COPG2: variants seen among roughly 807,000 people sequenced by gnomAD.
COPG2 encodes the protein coatomer subunit gamma-2.
In COPG2, 37 loss-of-function variants were observed where a neutral mutation model predicts 46.3. The observed-to-expected ratio is 0.80, with a 90% CI of 0.61 to 1.05. COPG2 has a LOEUF of 1.05. Ranked by LOEUF, COPG2 falls within the 50% of genes least tolerant of loss-of-function variation. The pLI is 0.00. For synonymous variants in COPG2, 159 were observed against 129.7 expected, an observed-to-expected ratio of 1.23 and a Z score of -1.53; for missense variants, 427 against 387.8, an observed-to-expected ratio of 1.10 and a Z score of -0.85.
chr7:130,645,409 C>T (rs1483280819), intron 5 of COPG2: 7 of 498,606 alleles, frequency 1.4e-5, no homozygotes, highest in South Asian at 3.1e-5. Flanking sequence ...CTCCACCCGT[C>T]GGTGTCCATG....
At chr7:130,665,155 T>C in intron 3 of COPG2, among the ~76,000 whole-genome samples, 1 of 152,144 alleles carries the variant, frequency 6.6e-6, no homozygotes, top group East Asian at 1.9e-4. Context: ...CACTCCAGCC[T>C]GGTAACAGAG....
At chr7:130,602,656 G>C (rs1554450527) in intron 9 of COPG2, 2 of 152,152 alleles carry the variant, frequency 1.3e-5, no homozygotes, top group Non-Finnish European at 1.5e-5. Context: ...ATTTTTAGTA[G>C]AGACGGGGGT....
chr7:130,506,686 G>T lies in COPG2; in HGVS notation c.2606C>A (p.Ser869Tyr), dbSNP rs372285287. The change falls in exon 24 of 24, where the codon TCT becomes TAT. Residue 869 changes from serine (S) to tyrosine (Y), a missense_variant. Ser to Tyr is a moderately radical substitution (Grantham distance 144, BLOSUM62 -2). Transcript: ENST00000425248. The part of the protein sequence containing the change: ...ERTPVDVILA[S>Y]VG ...TTGTCCAGTAAGCATTTATCCAACAGAAGCTAAGATAACATCTACAGGTGT... is the reference window on the plus strand; with the variant it reads ...TTGTCCAGTAAGCATTTATCCAACATAAGCTAAGATAACATCTACAGGTGT... 3.8e-6 allele frequency: 3 copies of T among 779,486 alleles called. No individual in the cohort carries two copies. The African/African-American group carries it at 5.1e-5, about 13-fold the overall frequency. 48.3% of individuals were successfully genotyped at this position (779,486 alleles called of 1,614,324 possible). A position where few individuals can be genotyped will look rare whatever the true frequency, so the allele number is the denominator to read the frequency against.
chr7:130,649,583 A>G (rs1795695521), intron 5 of COPG2, among the ~76,000 whole-genome samples: 1 of 152,068 alleles, frequency 6.6e-6, no homozygotes, highest in Non-Finnish European at 1.5e-5. Context: ...CTAATTCCCA[A>G]CATTTTCCTC....
At chr7:130,601,140 T>A (rs1168524510) in intron 9 of COPG2, among the ~76,000 whole-genome samples, 4 of 152,176 alleles carry the variant, frequency 2.6e-5, no homozygotes, top group African/African-American at 9.7e-5. Context: ...GCACTCAGAA[T>A]GGCAATCATT....
At chr7:130,529,197 C>T (rs957805965) in intron 20 of COPG2, among the ~76,000 whole-genome samples, 3 of 152,070 alleles carry the variant, frequency 2.0e-5, no homozygotes, top group Non-Finnish European at 2.9e-5. Context: ...GCAATGTTGG[C>T]AGCAGCAAGG....
chr7:130,620,987 G>T (rs1795029739), intron 5 of COPG2, among the ~76,000 whole-genome samples: 1 of 152,180 alleles, frequency 6.6e-6, no homozygotes, highest in Non-Finnish European at 1.5e-5. Flanking sequence ...TTAAGTTAAA[G>T]ACACTGAGAT....
At chr7:130,516,175 T>G (rs1244383298) in intron 20 of COPG2, among the ~76,000 whole-genome samples, 1 of 152,230 alleles carries the variant, frequency 6.6e-6, no homozygotes, top group Non-Finnish European at 1.5e-5. Context: ...AAGGCATCAC[T>G]TAGTATTGAC....
intron 3 of COPG2, 84 bp downstream of exon 3, chr7:130,666,765 T>C (rs1796086435): frequency 1.5e-6 from 1 of 672,272 alleles, no homozygotes; most frequent in African/African-American, 1.8e-5. Context: ...AATAAATAAA[T>C]ATACTTTCCA....
intron 5 of COPG2, among the ~76,000 whole-genome samples, chr7:130,629,894 C>T (rs528905390): frequency 6.6e-6 from 1 of 151,546 alleles, no homozygotes; most frequent in South Asian, 2.1e-4. Context: ...TTTTTAATTA[C>T]TAGCATTTTG....
At chr7:130,616,851 C>T (rs1445195863) in intron 6 of COPG2, 139 bp downstream of exon 6, 2 of 526,460 alleles carry the variant, frequency 3.8e-6, no homozygotes, top group African/African-American at 3.9e-5. Flanking sequence ...CCTGGAGCCA[C>T]AAAAGCCTTT....
At chr7:130,522,511 C>T (rs934757631) in intron 20 of COPG2, among the ~76,000 whole-genome samples, 1 of 151,952 alleles carries the variant, frequency 6.6e-6, no homozygotes, top group Non-Finnish European at 1.5e-5. Context: ...GAGTATAGGT[C>T]GCTTTCATGT....
chr7:130,653,931 G>A (rs572795331), intron 4 of COPG2, among the ~76,000 whole-genome samples: 147 of 151,456 alleles, frequency 9.7e-4, no homozygotes, highest in African/African-American at 3.2e-3. Context: ...CAAAAAATAA[G>A]AATCAAAATT....
chr7:130,524,458 T>C (rs949362221), intron 20 of COPG2, among the ~76,000 whole-genome samples: 8 of 152,132 alleles, frequency 5.3e-5, no homozygotes, highest in Non-Finnish European at 1.2e-4. Context: ...GGGGATGAGT[T>C]TGCAACACAT....
At chr7:130,631,324 A>G (rs1554455162) in intron 5 of COPG2, among the ~76,000 whole-genome samples, 1 of 151,438 alleles carries the variant, frequency 6.6e-6, no homozygotes, top group East Asian at 1.9e-4. Flanking sequence ...CACCTGGCTA[A>G]TTTTTGTATT....
At chr7:130,614,042 C>T (rs1794903641) in intron 6 of COPG2, among the ~76,000 whole-genome samples, 1 of 152,032 alleles carries the variant, frequency 6.6e-6, no homozygotes, top group Non-Finnish European at 1.5e-5. Context: ...TATACAGATC[C>T]CAGAGAGTCC....
chr7:130,628,399 A>G (rs1795159772), intron 5 of COPG2, among the ~76,000 whole-genome samples: 1 of 152,166 alleles, frequency 6.6e-6, no homozygotes, highest in South Asian at 2.1e-4. Flanking sequence ...CCCAGGGTTT[A>G]TATCTTTACT....
At chr7:130,631,942 T>A (rs921735115) in intron 5 of COPG2, among the ~76,000 whole-genome samples, 10 of 152,234 alleles carry the variant, frequency 6.6e-5, no homozygotes, top group Non-Finnish European at 1.5e-4. Context: ...TTCAGCGGTT[T>A]TTAAGTCTGA....
In COPG2 at chr7:130,561,077, T is replaced by C; in HGVS notation, c.1084A>G (p.Lys362Glu). ...GSESSVDRLMKQISSFVSEIS... is the reference protein window; with the variant it reads ...GSESSVDRLMEQISSFVSEIS... ...TCAGACACAAAAGAAGATATCTGCT[T>C]CATGAGCCGGTCCACACTGCTCTCA... The change falls in exon 12 of 24, where the codon AAG (lysine) becomes GAG (glutamate). Residue 362 changes from lysine to glutamate, a missense_variant. Physicochemically the swap from Lys to Glu is moderately conservative, Grantham distance 56 (BLOSUM62 1). Coordinates refer to ENST00000425248, the MANE Select transcript of COPG2 (RefSeq NM_012133.6). The C allele has an allele frequency of 2.5e-6, 1 of 398,592 alleles. No homozygotes were observed. Among genetic ancestry groups the C allele is most frequent in the East Asian group, 3.6e-5 (1 of 28,070 alleles). 24.7% of individuals were successfully genotyped at this position (398,592 alleles called of 1,614,324 possible).
Sources: gnomAD v4.1 joint callset for allele counts (sites outside exome capture counted in the v4.1 genomes callset) on GRCh38, gnomAD v4.1.1 for gene constraint, MANE v1.5 for transcripts, NCBI Gene and HGNC (gene_info 2026-07-23, HGNC 2026-07-21) for gene names.